Variants in THSD7B observed in about 807,000 individuals in gnomAD.
THSD7B encodes the protein thrombospondin type-1 domain-containing protein 7B.
THSD7B carries 138 observed loss-of-function variants against 213.6 expected under a neutral mutation model. That is an observed-to-expected ratio of 0.65 (90% CI 0.56 to 0.74). The LOEUF (loss-of-function observed/expected upper bound fraction) is 0.74, where lower values mean the gene tolerates loss of function less well. THSD7B is among the 30% of genes least tolerant of loss of function. The pLI, the probability that THSD7B is intolerant of heterozygous loss-of-function variation, is 0.00. For synonymous variants in THSD7B, 742 were observed against 687.0 expected, an observed-to-expected ratio of 1.08 and a Z score of -1.25; for missense variants, 1,931 against 1,991.5, an observed-to-expected ratio of 0.97 and a Z score of 0.58.
At position 136,843,818 on chromosome 2, in the gene THSD7B, T is replaced by C. The variant is rs76357802; in HGVS notation, c.-35-38326T>C. Among the ~76,000 whole-genome samples the C allele has an allele frequency of 4.5e-3, 692 of 152,324 alleles. 2 individuals are homozygous for C. The highest frequency in any genetic ancestry group is 8.1e-3 in the Non-Finnish European group (549 of 68,030). On this transcript the variant is annotated intron_variant, in intron 1 of 27. Coordinates refer to ENST00000409968, the MANE Select transcript of THSD7B (RefSeq NM_001316349.2). ...AGTTTTGGGGTGGCTGCTTCTCTGA[T>C]GTGTTGTCATATGGTGGGGTTCTGG...
chr2:137,516,454 C>A (rs1433609239), intron 15 of THSD7B, among the ~76,000 whole-genome samples: 3 of 152,136 alleles, frequency 2.0e-5, no homozygotes, highest in Non-Finnish European at 4.4e-5. Context: ...CCCAAGGAGA[C>A]CTCCAGCCTT....
intron 12 of THSD7B, among the ~76,000 whole-genome samples, chr2:137,393,907 G>A (rs1399860682): frequency 1.4e-5 from 2 of 140,164 alleles, no homozygotes; most frequent in African/African-American, 2.6e-5. Context: ...TTCTCTGATG[G>A]CCAGTGATGA....
At chr2:137,640,916 A>T (rs1206646112) in intron 20 of THSD7B, among the ~76,000 whole-genome samples, 4 of 152,294 alleles carry the variant, frequency 2.6e-5, no homozygotes, top group African/African-American at 9.6e-5. Flanking sequence ...TGATTAGGAC[A>T]CCCTAGTTTT....
intron 14 of THSD7B, among the ~76,000 whole-genome samples, chr2:137,419,571 C>A (rs1483529053): frequency 6.6e-6 from 1 of 151,456 alleles, no homozygotes; most frequent in African/African-American, 2.4e-5. Flanking sequence ...GGCGTGTGTA[C>A]TGATTGGTTT....
chr2:137,572,341 A>G, intron 16 of THSD7B, 65 bp from the exon 17 acceptor site: 1 of 1,562,484 alleles, frequency 6.4e-7, no homozygotes, highest in Non-Finnish European at 8.7e-7. Context: ...GATACATCAT[A>G]ACTATTTTAA....
chr2:137,088,323 C>G (rs1687882164), intron 3 of THSD7B, among the ~76,000 whole-genome samples: 1 of 151,748 alleles, frequency 6.6e-6, no homozygotes, highest in Non-Finnish European at 1.5e-5. Flanking sequence ...GAAATAAACC[C>G]AAATACTTAC....
chr2:137,467,910 T>G (rs1359777977), intron 15 of THSD7B, among the ~76,000 whole-genome samples: 3 of 152,310 alleles, frequency 2.0e-5, no homozygotes, highest in East Asian at 3.9e-4. Flanking sequence ...ATACAACACA[T>G]GTTTCTCCTT....
intron 15 of THSD7B, among the ~76,000 whole-genome samples, chr2:137,531,990 G>C (rs1680407835): frequency 6.6e-6 from 1 of 151,934 alleles, no homozygotes; most frequent in African/African-American, 2.4e-5. Flanking sequence ...TATAAACAGA[G>C]AGAGTGTATT....
chr2:136,833,732 A>C (rs908239786), intron 1 of THSD7B, among the ~76,000 whole-genome samples: 8 of 152,198 alleles, frequency 5.3e-5, no homozygotes, highest in Non-Finnish European at 1.2e-4. Flanking sequence ...AATTTAGACC[A>C]TCATTAAGCG....
At chr2:137,129,839 G>A (rs536498941) in intron 5 of THSD7B, among the ~76,000 whole-genome samples, 2 of 152,254 alleles carry the variant, frequency 1.3e-5, no homozygotes, top group African/African-American at 4.8e-5. Context: ...GCATTGTTGG[G>A]TGGCGGGGTC....
intron 22 of THSD7B, 81 bp downstream of exon 22, chr2:137,655,741 AG>A (rs746008329): frequency 3.5e-6 from 5 of 1,422,640 alleles, no homozygotes; most frequent in Non-Finnish European, 4.7e-6. Context: ...GAGATGCTCT[AG>A]CTCATCAAAA....
At chr2:137,657,388 A>T (rs1288183039) in intron 24 of THSD7B, among the ~76,000 whole-genome samples, 1 of 152,214 alleles carries the variant, frequency 6.6e-6, no homozygotes, top group Non-Finnish European at 1.5e-5. Flanking sequence ...GAAATGCAAT[A>T]AAATGTCCTT....
At chr2:137,294,583 C>CAAAAAAAAAAAAAAAAAAAAAAAAA (rs1210363889) in intron 12 of THSD7B, among the ~76,000 whole-genome samples, 54 of 73,218 alleles carry the variant, frequency 7.4e-4, no homozygotes, top group African/African-American at 2.4e-3. Context: ...AACTCCATCT[C>CAAAAAAAAAAAAAAAAAAAAAAAAA]AAAAAAAAAA....
At chr2:137,108,249 C>T (rs1327256111) in intron 4 of THSD7B, among the ~76,000 whole-genome samples, 2 of 152,162 alleles carry the variant, frequency 1.3e-5, no homozygotes, top group African/African-American at 4.8e-5. Flanking sequence ...CAAAGAAACC[C>T]ACACTTTTAA....
At chr2:137,418,847 T>C (rs1221148788) in intron 14 of THSD7B, among the ~76,000 whole-genome samples, 1 of 152,152 alleles carries the variant, frequency 6.6e-6, no homozygotes, top group Non-Finnish European at 1.5e-5. Flanking sequence ...CAATCAATGT[T>C]GCTGCAAATG....
intron 2 of THSD7B, among the ~76,000 whole-genome samples, chr2:136,902,530 C>G (rs1684080367): frequency 6.6e-6 from 1 of 152,144 alleles, no homozygotes; most frequent in Admixed American, 6.5e-5. Context: ...TCTGTCCTCC[C>G]CTTTGCATTC....
chr2:137,648,381 C>G (rs1015898958), intron 21 of THSD7B, among the ~76,000 whole-genome samples: 1 of 142,826 alleles, frequency 7.0e-6, no homozygotes, highest in Non-Finnish European at 1.5e-5. Context: ...ATCTCCCCCC[C>G]TCACCCCTAC....
intron 2 of THSD7B, among the ~76,000 whole-genome samples, chr2:136,962,041 C>T (rs928573056): frequency 6.6e-6 from 1 of 152,090 alleles, no homozygotes; most frequent in South Asian, 2.1e-4. Context: ...TCTGGATGGA[C>T]CCAGTGTTAT....
chr2:136,930,251 G>A (rs1451071287), intron 2 of THSD7B, among the ~76,000 whole-genome samples: 1 of 152,170 alleles, frequency 6.6e-6, no homozygotes, highest in African/African-American at 2.4e-5. Context: ...GGACAGAATT[G>A]GAGCATTAGG....
Sources: gnomAD v4.1 joint callset for allele counts (sites outside exome capture counted in the v4.1 genomes callset) on GRCh38, gnomAD v4.1.1 for gene constraint, MANE v1.5 for transcripts, NCBI Gene and HGNC (gene_info 2026-07-23, HGNC 2026-07-21) for gene names.